CNNM2: variants seen among roughly 807,000 people sequenced by gnomAD.
CNNM2 encodes cyclin and CBS domain divalent metal cation transport mediator 2.
A neutral mutation model predicts 66.9 loss-of-function variants in CNNM2; 12 were observed. The observed-to-expected ratio is 0.18, with a 90% CI of 0.11 to 0.29. CNNM2 has a LOEUF of 0.29. Ranked by LOEUF, CNNM2 falls within the 10% of genes least tolerant of loss-of-function variation. CNNM2 has a pLI of 1.00. For missense variants in CNNM2, 705 were observed against 1,167.7 expected (o/e 0.60, Z 5.77); for synonymous variants, 557 against 501.8 (o/e 1.11, Z -1.47).
chr10:102,976,669 T>G (rs1453543645), intron 1 of CNNM2, among the ~76,000 whole-genome samples: 5 of 133,550 alleles, frequency 3.7e-5, no homozygotes, highest in African/African-American at 5.8e-5. Flanking sequence ...GGTTTTACCA[T>G]GTTGACCAGG....
intron 1 of CNNM2, among the ~76,000 whole-genome samples, chr10:103,040,412 G>T (rs1455727982): frequency 6.6e-6 from 1 of 151,978 alleles, no homozygotes; most frequent in Non-Finnish European, 1.5e-5. Flanking sequence ...AAGAAGGGGA[G>T]AGTGGAGGTT....
intron 4 of CNNM2, among the ~76,000 whole-genome samples, chr10:103,058,241 T>C (rs886497819): frequency 6.6e-6 from 1 of 152,206 alleles, no homozygotes; most frequent in Non-Finnish European, 1.5e-5. Context: ...TCTTTCCTCT[T>C]TGGAGATAAT....
Position 103,088,252 on chromosome 10 carries a change from AAG to A in CNNM2, c.*11075_*11076del, listed in dbSNP as rs1390011811. On this transcript the variant is annotated 3_prime_UTR_variant, in exon 8 of 8. Coordinates refer to ENST00000369878, the MANE Select transcript of CNNM2 (RefSeq NM_017649.5). The stretch of plus-strand genomic sequence containing the variant: ...GAAGAAAATATACAATGGTTAAAGA[AAG>A]AGTCTATAACCACTGTTTGTTTAAA... 1 of 152,252 alleles carries A rather than the reference AAG, an allele frequency of 6.6e-6. No homozygotes were observed. The highest frequency in any genetic ancestry group is 2.4e-5 in the African/African-American group (1 of 41,464). The allele number at this position is 152,252 out of a possible 1,614,324, so 9.4% of individuals were successfully genotyped here.
intron 1 of CNNM2, among the ~76,000 whole-genome samples, chr10:103,025,239 G>A (rs1293067556): frequency 6.6e-6 from 1 of 152,148 alleles, no homozygotes; most frequent in Non-Finnish European, 1.5e-5. Flanking sequence ...TTACAGGCAT[G>A]TGCCACCATG....
At chr10:102,975,358 C>T (rs903521021) in intron 1 of CNNM2, among the ~76,000 whole-genome samples, 1 of 151,090 alleles carries the variant, frequency 6.6e-6, no homozygotes, top group Non-Finnish European at 1.5e-5. Context: ...ATCACTTAGC[C>T]AGCAGATGTA....
intron 1 of CNNM2, among the ~76,000 whole-genome samples, chr10:103,019,141 C>T (rs1251309169): frequency 6.6e-6 from 1 of 151,658 alleles, no homozygotes; most frequent in African/African-American, 2.4e-5. Context: ...TGGTGGCATA[C>T]ACCTGTAGTC....
At chr10:102,951,690 G>A (rs556172367) in intron 1 of CNNM2, among the ~76,000 whole-genome samples, 1 of 150,514 alleles carries the variant, frequency 6.6e-6, no homozygotes, top group Non-Finnish European at 1.5e-5. Context: ...CCAGGCTGGG[G>A]TGCAGTGGTC....
At chr10:102,969,048 G>A (rs190746388) in intron 1 of CNNM2, among the ~76,000 whole-genome samples, 90 of 151,294 alleles carry the variant, frequency 5.9e-4, no homozygotes, top group African/African-American at 2.0e-3. Context: ...CGAGTAGCTG[G>A]GATTACAGGT....
chr10:103,076,092 A>G lies in CNNM2; in HGVS notation c.2240A>G (p.Asn747Ser), dbSNP rs988049940. ...ELLAAGSPGE[N>S]KSPPRPCGLN... ...TTTTTCCCTCCTTTTCCAGGTGAAAATAAGTCCCCTCCTCGCCCATGTGGC... is the reference window on the plus strand; with the variant it reads ...TTTTTCCCTCCTTTTCCAGGTGAAAGTAAGTCCCCTCCTCGCCCATGTGGC... Residue 747 changes from asparagine (N) to serine (S), a missense_variant, in exon 7 of 8, where the codon AAT (asparagine) becomes AGT (serine). By Grantham distance (46) the Asn-to-Ser change is conservative (BLOSUM62 1). Around this residue, in one of 9 missense-constraint regions of CNNM2, gnomAD observed 194 missense variants for 227.6 expected, o/e 0.85. Coordinates refer to ENST00000369878, the MANE Select transcript of CNNM2 (RefSeq NM_017649.5). The G allele has an allele frequency of 1.2e-6, 2 of 1,607,780 alleles. No homozygotes were observed. Among genetic ancestry groups the G allele is most frequent in the Admixed American group, 1.7e-5 (1 of 59,652 alleles).
At chr10:102,971,820 A>G (rs1359162199) in intron 1 of CNNM2, among the ~76,000 whole-genome samples, 1 of 152,146 alleles carries the variant, frequency 6.6e-6, no homozygotes, top group Admixed American at 6.6e-5. Flanking sequence ...CATCTTTAAC[A>G]TATTTTTCTT....
rs570552360 is a variant in CNNM2 at position 102,983,058 on chromosome 10, A to G, written c.1621+62957A>G. 3.3e-5 allele frequency among the ~76,000 whole-genome samples: 5 copies of G among 152,186 alleles called. No homozygotes were observed. In the South Asian group the frequency reaches 1.0e-3, roughly 32 times the overall value. On this transcript the variant is annotated intron_variant, in intron 1 of 7. Coordinates refer to ENST00000369878, the MANE Select transcript of CNNM2 (RefSeq NM_017649.5). ...CTTTTCATAATTTGAAAGGAGACCCATATTTTGTGGCTTATTGTTTGTTCA... is the reference window on the plus strand; with the variant it reads ...CTTTTCATAATTTGAAAGGAGACCCGTATTTTGTGGCTTATTGTTTGTTCA...
In CNNM2 at chr10:102,976,611, AT is replaced by A. The variant is rs66498944; in HGVS notation, c.1621+56538del. 5.7e-3 allele frequency among the ~76,000 whole-genome samples: 341 copies of A among 59,392 alleles called. 1 individual carries two copies. The highest frequency in any genetic ancestry group is 0.012 in the African/African-American group (151 of 12,630). The allele number at this position is 59,392 out of a possible 152,430, so 39.0% of individuals were successfully genotyped here. ...CAGGTGTGCGCCACACGCCCAGGTA[AT>A]TTTTTTTTTTTTTTTTTTTTTTTTT... On this transcript the variant is annotated intron_variant, in intron 1 of 7. Coordinates refer to ENST00000369878, the MANE Select transcript of CNNM2 (RefSeq NM_017649.5).
chr10:102,956,624 C>T lies in CNNM2; in HGVS notation c.1621+36523C>T, dbSNP rs1590306932. Among the ~76,000 whole-genome samples the T allele has an allele frequency of 3.3e-5, 5 of 152,200 alleles. No individual in the cohort carries two copies. In the South Asian group the frequency reaches 8.3e-4, roughly 25 times the overall value. On this transcript the variant is annotated intron_variant, in intron 1 of 7. Transcript: ENST00000369878. ...AGAAAATGTGGCACATATACACCAT[C>T]GAATACTGTGCAGCCATAAAAAAGG...
chr10:103,002,231 T>A (rs2064135263), intron 1 of CNNM2, among the ~76,000 whole-genome samples: 2 of 152,202 alleles, frequency 1.3e-5, no homozygotes, highest in African/African-American at 4.8e-5. Context: ...TTATATCTGA[T>A]AAGGGACTGT....
chr10:103,008,727 C>T (rs914644428), intron 1 of CNNM2, among the ~76,000 whole-genome samples: 18 of 138,568 alleles, frequency 1.3e-4, no homozygotes, highest in African/African-American at 4.1e-4. Flanking sequence ...TGCTGTGAGC[C>T]GAGATCAAGC....
chr10:102,948,366 G>A (rs919464059), intron 1 of CNNM2, among the ~76,000 whole-genome samples: 8 of 152,184 alleles, frequency 5.3e-5, no homozygotes, highest in Admixed American at 2.0e-4. Context: ...TGACAGATAA[G>A]TAGGCGTCAA....
chr10:103,068,714 C>T lies in CNNM2; in HGVS notation c.2159C>T (p.Ala720Val). 6.2e-7 allele frequency: 1 copy of T among 1,611,960 alleles called. No individual in the cohort carries two copies. The highest frequency in any genetic ancestry group is 8.5e-7 in the Non-Finnish European group (1 of 1,178,964). ...FSYYGVMALT[A>V]SPVPLSLSRT... ...TACTATGGCGTGATGGCCCTGACAG[C>T]CTCTCCAGGTATGTTTGGTTCCCAG... The change falls in exon 5 of 8, where the codon GCC (alanine) becomes GTC (valine). Residue 720 changes from alanine to valine, a missense_variant. Physicochemically the swap from Ala to Val is moderately conservative, Grantham distance 64 (BLOSUM62 0). Around this residue, in one of 9 missense-constraint regions of CNNM2, gnomAD observed 194 missense variants for 227.6 expected, o/e 0.85. Transcript: ENST00000369878.
At chr10:102,923,618 T>G (rs1845738189) in intron 1 of CNNM2, among the ~76,000 whole-genome samples, 1 of 152,186 alleles carries the variant, frequency 6.6e-6, no homozygotes, top group Non-Finnish European at 1.5e-5. Flanking sequence ...AAGAAATGTG[T>G]TTAAACATAT....
intron 1 of CNNM2, among the ~76,000 whole-genome samples, chr10:103,038,120 G>C (rs929248235): frequency 5.9e-5 from 9 of 152,112 alleles, no homozygotes; most frequent in Admixed American, 5.9e-4. Context: ...GATTACAGGC[G>C]TTGAGTCACC....
Sources: allele counts gnomAD v4.1 joint callset (sites outside exome capture counted in the v4.1 genomes callset), GRCh38; gene constraint gnomAD v4.1.1; regional missense constraint gnomAD v4.1.1; transcripts MANE v1.5; gene names NCBI Gene and HGNC (gene_info 2026-07-23, HGNC 2026-07-21).